The following ZNF589 variants were observed in gnomAD, a reference collection of about 807,000 sequenced individuals.
The protein encoded by ZNF589 is KRAB-zinc finger protein SZF1-1.
A neutral mutation model predicts 13.6 loss-of-function variants in ZNF589; 17 were observed. That is an observed-to-expected ratio of 1.25 (90% CI 0.86 to 1.88). ZNF589 has a LOEUF of 1.88. Ranked by LOEUF, ZNF589 falls within the 40% of genes most tolerant of loss-of-function variation. The pLI is 0.00. For synonymous variants in ZNF589, 148 were observed against 161.6 expected (o/e 0.92, Z 0.64); for missense variants, 407 against 434.0 (o/e 0.94, Z 0.55).
chr3:48,242,814 C>T (rs937184407), intron 1 of ZNF589, among the ~76,000 whole-genome samples: 34 of 151,942 alleles, frequency 2.2e-4, no homozygotes, highest in African/African-American at 7.0e-4. Flanking sequence ...CCTGTAATCC[C>T]AGCACTTTGG....
At position 48,253,592 on chromosome 3, in the gene ZNF589, C is replaced by T. The variant is rs796373301; in HGVS notation, c.96+5915C>T. Reference sequence around the variant, plus strand: ...TCGGCTCGCTGCAAGCTCTGCCTCCCGGGTCCACGCCATTCTCCTGTCTCA... The same window carrying T: ...TCGGCTCGCTGCAAGCTCTGCCTCCTGGGTCCACGCCATTCTCCTGTCTCA... On this transcript the variant is annotated intron_variant, in intron 2 of 3. Coordinates refer to ENST00000354698, the MANE Select transcript of ZNF589 (RefSeq NM_016089.3). 9.9e-5 allele frequency among the ~76,000 whole-genome samples: 15 copies of T among 151,120 alleles called. No homozygotes were observed. The East Asian group carries it at 1.8e-3, about 18-fold the overall frequency.
chr3:48,263,122 T>C (rs2033983756), intron 3 of ZNF589, among the ~76,000 whole-genome samples: 2 of 152,194 alleles, frequency 1.3e-5, no homozygotes, highest in African/African-American at 4.8e-5. Flanking sequence ...TTTCTTTTTT[T>C]TTTTGAGACG....
rs1393092488 is a variant in ZNF589 at position 48,268,042 on chromosome 3, C to T, written c.351C>T (p.His117=). The change falls in exon 4 of 4, where the codon CAC becomes CAT. Residue 117 remains histidine (H), a synonymous_variant. Coordinates refer to ENST00000354698, the MANE Select transcript of ZNF589 (RefSeq NM_016089.3). The part of the protein sequence containing the change: ...IPGFHAGNQL[H]PGNPCPEDQP... ...GTTTCCATGCAGGAAATCAACTCCA[C>T]CCAGGAAATCCCTGCCCAGAGGATC... 1.2e-6 allele frequency: 2 copies of T among 1,614,234 alleles called. No homozygotes were observed. Among genetic ancestry groups the T allele is most frequent in the Admixed American group, 1.7e-5 (1 of 60,028 alleles).
chr3:48,262,272 C>T (rs1389213479), intron 3 of ZNF589, among the ~76,000 whole-genome samples: 1 of 152,152 alleles, frequency 6.6e-6, no homozygotes, highest in Non-Finnish European at 1.5e-5. Context: ...TCACTGCAAC[C>T]TTTACCTTCT....
chr3:48,268,483 C>G lies in ZNF589; in HGVS notation c.792C>G (p.Ile264Met), dbSNP rs1306494975. Residue 264 changes from isoleucine (I) to methionine (M), a missense_variant, in exon 4 of 4, where the codon ATC becomes ATG. Ile to Met is a conservative substitution (Grantham distance 10). Coordinates refer to ENST00000354698, the MANE Select transcript of ZNF589 (RefSeq NM_016089.3). ...GCTTTAGCAGGAAGTCACAGCTCATCATACACCAGAGGACACACACAGGAG... is the reference window on the plus strand; with the variant it reads ...GCTTTAGCAGGAAGTCACAGCTCATGATACACCAGAGGACACACACAGGAG... ...GRGFSRKSQL[I>M]IHQRTHTGEK... The G allele has an allele frequency of 6.2e-7, 1 of 1,613,084 alleles. No homozygotes were observed. Among genetic ancestry groups the G allele is most frequent in the African/African-American group, 1.3e-5 (1 of 74,568 alleles).
intron 1 of ZNF589, among the ~76,000 whole-genome samples, chr3:48,243,912 C>T (rs973019963): frequency 3.2e-4 from 49 of 152,112 alleles, no homozygotes; most frequent in African/African-American, 1.1e-3. Flanking sequence ...GGTTCTTTGA[C>T]TTGCTTAAGT....
intron 2 of ZNF589, among the ~76,000 whole-genome samples, chr3:48,260,423 T>C (rs1457735907): frequency 1.3e-5 from 2 of 152,100 alleles, no homozygotes; most frequent in Non-Finnish European, 2.9e-5. Context: ...ATTTTTTTCT[T>C]TTTGAGGCGG....
intron 2 of ZNF589, among the ~76,000 whole-genome samples, chr3:48,255,523 C>T (rs1234159775): frequency 9.6e-6 from 1 of 103,986 alleles, no homozygotes; most frequent in Non-Finnish European, 1.8e-5. Flanking sequence ...GAGACAAAGT[C>T]TCGCTCTTTC....
intron 2 of ZNF589, chr3:48,257,890 G>T: frequency 2.4e-6 from 1 of 421,706 alleles, no homozygotes; most frequent in Non-Finnish European, 4.6e-6. Context: ...CTGGGTTTTC[G>T]GTTCTCTTCT....
intron 2 of ZNF589, chr3:48,257,948 GT>G (rs1263361920): frequency 8.9e-6 from 4 of 450,434 alleles, no homozygotes; most frequent in African/African-American, 6.0e-5. Flanking sequence ...CTCAAGTATT[GT>G]GGTGATCAAA....
intron 2 of ZNF589, among the ~76,000 whole-genome samples, chr3:48,249,385 G>A (rs971828887): frequency 1.3e-5 from 2 of 152,246 alleles, no homozygotes; most frequent in African/African-American, 4.8e-5. Context: ...TTATAGGCAT[G>A]AGCCACTGCG....
intron 2 of ZNF589, among the ~76,000 whole-genome samples, chr3:48,250,311 T>C (rs532329231): frequency 6.7e-5 from 10 of 148,918 alleles, no homozygotes; most frequent in East Asian, 3.9e-4. Context: ...ACTTTCTTTT[T>C]TTTTTTTTTT....
chr3:48,268,699 G>T lies in ZNF589; in HGVS notation c.1008G>T (p.Val336=). 1 of 1,614,152 alleles carries T rather than the reference G, an allele frequency of 6.2e-7. No individual in the cohort carries two copies. The highest frequency in any genetic ancestry group is 1.6e-4 in the Middle Eastern group (1 of 6,062). Residue 336 remains valine (V), a synonymous_variant, in exon 4 of 4, where the codon GTG becomes GTT. Transcript: ENST00000354698. ...GGGAGAAATCGTTTATGTGCACAGTGTGTGGGCGAGGCTTTCGTGAAAAGT... is the reference window on the plus strand; with the variant it reads ...GGGAGAAATCGTTTATGTGCACAGTTTGTGGGCGAGGCTTTCGTGAAAAGT... ...HTREKSFMCT[V]CGRGFREKSE...
chr3:48,268,122 A>G lies in ZNF589; in HGVS notation c.431A>G (p.Asp144Gly). 6.2e-7 allele frequency: 1 copy of G among 1,614,200 alleles called. No individual in the cohort carries two copies. Among genetic ancestry groups the G allele is most frequent in the Non-Finnish European group, 8.5e-7 (1 of 1,180,010 alleles). The change falls in exon 4 of 4, where the codon GAT becomes GGT. Residue 144 changes from aspartate to glycine, a missense_variant. By Grantham distance (94) the Asp-to-Gly change is moderately conservative. Coordinates refer to ENST00000354698, the MANE Select transcript of ZNF589 (RefSeq NM_016089.3). ...DKNHRGAEAE[D>G]QRVEGGVRPL... ...AATCACAGGGGGGCTGAAGCAGAAG[A>G]TCAACGAGTGGAAGGAGGCGTCAGA...
chr3:48,242,342 C>G (rs1483124487), intron 1 of ZNF589, among the ~76,000 whole-genome samples: 1 of 151,928 alleles, frequency 6.6e-6, no homozygotes, highest in Admixed American at 6.6e-5. Flanking sequence ...GAACTCCTGA[C>G]CCCAGATGAT....
At chr3:48,252,820 C>T (rs1190892298) in intron 2 of ZNF589, among the ~76,000 whole-genome samples, 3 of 151,434 alleles carry the variant, frequency 2.0e-5, no homozygotes, top group East Asian at 3.9e-4. Context: ...GACGGGGTTT[C>T]ACCATGTTAT....
chr3:48,257,833 A>G (rs1186348429), intron 2 of ZNF589: 10 of 343,304 alleles, frequency 2.9e-5, no homozygotes, highest in Non-Finnish European at 5.6e-5. Flanking sequence ...TCTTCATTGA[A>G]TTACTTTTAC....
At chr3:48,260,995 C>T in intron 3 of ZNF589, 56 bp downstream of exon 3, 1 of 1,581,212 alleles carries the variant, frequency 6.3e-7, no homozygotes, top group Non-Finnish European at 8.7e-7. Flanking sequence ...TGACCATATT[C>T]AGTGTGCCAG....
intron 2 of ZNF589, among the ~76,000 whole-genome samples, chr3:48,255,770 A>G (rs1217373996): frequency 1.3e-5 from 2 of 149,914 alleles, no homozygotes; most frequent in African/African-American, 4.9e-5. Context: ...ATTATAGGCA[A>G]GAGCCACCAT....
Sources: allele counts gnomAD v4.1 joint callset (sites outside exome capture counted in the v4.1 genomes callset), GRCh38; gene constraint gnomAD v4.1.1; transcripts MANE v1.5; gene names NCBI Gene and HGNC (gene_info 2026-07-23, HGNC 2026-07-21).